The following DDX42 variants were observed in gnomAD, a reference collection of about 807,000 sequenced individuals.
DDX42 encodes the protein ATP-dependent RNA helicase DDX42.
DDX42 carries 22 observed loss-of-function variants against 101.5 expected under a neutral mutation model. The ratio of observed to expected loss-of-function variants is 0.22; its 90% CI spans 0.15 to 0.31. The LOEUF (loss-of-function observed/expected upper bound fraction) is 0.31, where lower values mean the gene tolerates loss of function less well. Among genes scored for constraint, DDX42 ranks in the 10% least tolerant of loss-of-function variants. The pLI is 1.00. For missense variants in DDX42, 849 were observed against 1,199.9 expected (o/e 0.71, Z 4.32); for synonymous variants, 402 against 401.2 (o/e 1.00, Z -0.02).
intron 6 of DDX42, among the ~76,000 whole-genome samples, chr17:63,802,611 T>C (rs935705682): frequency 8.5e-5 from 13 of 152,070 alleles, no homozygotes; most frequent in African/African-American, 3.1e-4. Context: ...AAATTTTGTT[T>C]TTTAATAACA....
In DDX42 at chr17:63,796,149, A is replaced by G. The variant is rs1261010589; in HGVS notation, c.373-1889A>G. 3.9e-5 allele frequency among the ~76,000 whole-genome samples: 6 copies of G among 152,182 alleles called. 1 individual carries two copies. The highest frequency in any genetic ancestry group is 7.4e-5 in the Non-Finnish European group (5 of 68,022). On this transcript the variant is annotated intron_variant, in intron 3 of 17. Transcript: ENST00000389924. ...CCTAATGGGCTATGTTTCCTAGAGA[A>G]TCTGGTCTCGTTATTTCTTGAGGGA...
chr17:63,779,608 A>G (rs2039461704), intron 1 of DDX42, among the ~76,000 whole-genome samples: 1 of 152,138 alleles, frequency 6.6e-6, no homozygotes, highest in African/African-American at 2.4e-5. Context: ...ATCTAGCCAC[A>G]GGACACTTTT....
chr17:63,775,204 A>T (rs999806973), intron 1 of DDX42: 1 of 152,620 alleles, frequency 6.6e-6, no homozygotes, highest in Non-Finnish European at 1.5e-5. Context: ...TTCGTACAAA[A>T]ATTAATGTTT....
At chr17:63,787,980 CCG>C (rs2039569469) in intron 2 of DDX42, among the ~76,000 whole-genome samples, 1 of 147,790 alleles carries the variant, frequency 6.8e-6, no homozygotes, top group Admixed American at 6.8e-5. Context: ...TCTCGGTTCA[CCG>C]CAACTTCAAC....
intron 15 of DDX42, 30 bp from the exon 16 acceptor site, chr17:63,815,529 CCCTT>C (rs768081191): frequency 2.0e-6 from 3 of 1,499,238 alleles, no homozygotes; most frequent in Non-Finnish European, 2.8e-6. Flanking sequence ...TTTTCTCCCT[CCCTT>C]GACTTAACCT....
At chr17:63,788,111 G>T (rs2144538370) in intron 2 of DDX42, among the ~76,000 whole-genome samples, 1 of 151,732 alleles carries the variant, frequency 6.6e-6, no homozygotes, top group Middle Eastern at 3.4e-3. Context: ...CACCATGTTG[G>T]CCAGGCTGGT....
chr17:63,809,532 C>T, intron 10 of DDX42, 28 bp from the exon 11 acceptor site: 1 of 1,587,028 alleles, frequency 6.3e-7, no homozygotes, highest in South Asian at 1.1e-5. Context: ...TTTAATTATA[C>T]TTACTGTTCA....
chr17:63,811,363 T>G, intron 13 of DDX42, 190 bp downstream of exon 13: 1 of 490,906 alleles, frequency 2.0e-6, no homozygotes, highest in Non-Finnish European at 3.6e-6. Context: ...TGGGAATCAT[T>G]GAAGCTAGGT....
chr17:63,799,699 C>T (rs2039738735), intron 5 of DDX42, 74 bp downstream of exon 5: 2 of 1,463,168 alleles, frequency 1.4e-6, no homozygotes, highest in Non-Finnish European at 1.9e-6. Flanking sequence ...CTAGAGCTTG[C>T]CTTCACTCAA....
chr17:63,817,117 C>T, intron 17 of DDX42, 151 bp downstream of exon 17: 1 of 612,996 alleles, frequency 1.6e-6, no homozygotes, highest in Non-Finnish European at 2.8e-6. Context: ...ATAAACCTAA[C>T]AGTAGCTTAG....
chr17:63,810,796 TAC>T (rs1426709030), intron 12 of DDX42, among the ~76,000 whole-genome samples: 1 of 152,242 alleles, frequency 6.6e-6, no homozygotes, highest in African/African-American at 2.4e-5. Context: ...CCCTAAATTA[TAC>T]AGTTTTATCA....
At chr17:63,781,746 C>T (rs1383689623) in intron 1 of DDX42, among the ~76,000 whole-genome samples, 3 of 151,900 alleles carry the variant, frequency 2.0e-5, no homozygotes, top group African/African-American at 7.3e-5. Flanking sequence ...TGTGGTGGCT[C>T]ACGCCTGTAA....
At chr17:63,796,390 A>G (rs1598331626) in intron 3 of DDX42, among the ~76,000 whole-genome samples, 1 of 151,846 alleles carries the variant, frequency 6.6e-6, no homozygotes, top group African/African-American at 2.4e-5. Flanking sequence ...GCTCACCACA[A>G]CCTCTGCCTC....
chr17:63,798,648 C>G lies in DDX42; in HGVS notation c.434+549C>G, dbSNP rs564877876. Among the ~76,000 whole-genome samples the G allele has an allele frequency of 1.0e-3, 159 of 152,184 alleles. 1 individual carries two copies. The highest frequency in any genetic ancestry group is 1.7e-3 in the Non-Finnish European group (114 of 68,008). ...TAATAATACCTAATTTTATTTAGCTCCAGAGTGACATTGTGCTGTAGCAGC... is the reference window on the plus strand; with the variant it reads ...TAATAATACCTAATTTTATTTAGCTGCAGAGTGACATTGTGCTGTAGCAGC... On this transcript the variant is annotated intron_variant, in intron 4 of 17. Transcript: ENST00000389924.
intron 1 of DDX42, among the ~76,000 whole-genome samples, chr17:63,780,275 A>G (rs981580421): frequency 6.7e-6 from 1 of 149,138 alleles, no homozygotes; most frequent in Non-Finnish European, 1.5e-5. Flanking sequence ...CAGCCTGGGC[A>G]ACAAGAGCGA....
chr17:63,799,430 A>G (rs747520130), intron 4 of DDX42, 159 bp from the exon 5 acceptor site: 12 of 631,920 alleles, frequency 1.9e-5, no homozygotes, highest in Non-Finnish European at 3.3e-5. Context: ...ACATATATAT[A>G]ATGGGGTGGA....
intron 15 of DDX42, among the ~76,000 whole-genome samples, chr17:63,814,774 C>G (rs1053206461): frequency 4.1e-5 from 6 of 145,032 alleles, no homozygotes; most frequent in African/African-American, 1.5e-4. Flanking sequence ...ACTGCAACCT[C>G]TGCGTCTCCG....
chr17:63,806,469 T>C, intron 7 of DDX42, 66 bp from the exon 8 acceptor site: 1 of 1,516,406 alleles, frequency 6.6e-7, no homozygotes, highest in Middle Eastern at 1.7e-4. Context: ...AGGTAAGTAT[T>C]GTTGAACTTC....
intron 2 of DDX42, among the ~76,000 whole-genome samples, chr17:63,787,764 C>T (rs767735951): frequency 3.3e-5 from 5 of 152,032 alleles, no homozygotes; most frequent in Non-Finnish European, 7.4e-5. Context: ...TCGCTTGAAC[C>T]CGGGAGGCAC....
Sources: allele counts gnomAD v4.1 joint callset (sites outside exome capture counted in the v4.1 genomes callset), GRCh38; gene constraint gnomAD v4.1.1; transcripts MANE v1.5; gene names NCBI Gene and HGNC (gene_info 2026-07-23, HGNC 2026-07-21).